Variants in ATP2A2 observed in about 807,000 individuals in gnomAD.
ATP2A2 encodes sarcoplasmic/endoplasmic reticulum calcium ATPase 2.
In ATP2A2, 14 loss-of-function variants were observed where a neutral mutation model predicts 109.3. The ratio of observed to expected loss-of-function variants is 0.13; its 90% CI spans 0.08 to 0.20. The LOEUF is 0.20. ATP2A2 is among the 10% of genes least tolerant of loss of function. The probability of loss-of-function intolerance (pLI) is 1.00; values close to 1 mark genes in which losing one functional copy is unlikely to be tolerated. For missense variants in ATP2A2, 657 were observed against 1,321.6 expected (o/e 0.50, Z 7.80); for synonymous variants, 506 against 490.9 (o/e 1.03, Z -0.41).
In ATP2A2 at chr12:110,346,645, T is replaced by C; in HGVS notation, c.*175T>C. 1 of 1,462,992 alleles carries C rather than the reference T, an allele frequency of 6.8e-7. No homozygotes were observed. 90.6% of individuals were successfully genotyped at this position (1,462,992 alleles called of 1,614,324 possible). On this transcript the variant is annotated 3_prime_UTR_variant, in exon 20 of 20. Coordinates refer to ENST00000539276, the MANE Select transcript of ATP2A2 (RefSeq NM_170665.4). The stretch of plus-strand genomic sequence containing the variant: ...CTCCAGTGGGGCAAGATTTTCCTTT[T>C]TTATACACATAATTAAAGTGTCCAT...
Position 110,348,827 on chromosome 12 carries a change from G to A in ATP2A2, c.*2357G>A, listed in dbSNP as rs566906031. The A allele has an allele frequency of 2.1e-5, 21 of 985,472 alleles. No homozygotes were observed. The highest frequency in any genetic ancestry group is 4.7e-5 in the South Asian group (1 of 21,288). 61.0% of individuals were successfully genotyped at this position (985,472 alleles called of 1,614,324 possible). A position where few individuals can be genotyped will look rare whatever the true frequency, so the allele number is the denominator to read the frequency against. On this transcript the variant is annotated 3_prime_UTR_variant, in exon 20 of 20. Coordinates refer to ENST00000539276, the MANE Select transcript of ATP2A2 (RefSeq NM_170665.4). The stretch of plus-strand genomic sequence containing the variant: ...CAGGGGGTAAATTTTGCCAGTTTGA[G>A]CATCATGAGGTGTAACAAGAAATGG...
chr12:110,281,714 G>A lies in ATP2A2; in HGVS notation c.-76G>A. 2.8e-6 allele frequency: 3 copies of A among 1,085,528 alleles called. No homozygotes were observed. Among genetic ancestry groups the A allele is most frequent in the Non-Finnish European group, 3.7e-6 (3 of 809,914 alleles). The allele number at this position is 1,085,528 out of a possible 1,614,324, so 67.2% of individuals were successfully genotyped here. A position where few individuals can be genotyped will look rare whatever the true frequency, so the allele number is the denominator to read the frequency against. On this transcript the variant is annotated 5_prime_UTR_variant, in exon 1 of 20. Coordinates refer to ENST00000539276, the MANE Select transcript of ATP2A2 (RefSeq NM_170665.4). ...CGCCTGGGCTCCCGGGGTGGCACGA[G>A]CCCGCGGCCGGAGTGCGAGGCGGAG...
At chr12:110,314,708 G>C (rs190918424) in intron 5 of ATP2A2, among the ~76,000 whole-genome samples, 11 of 152,290 alleles carry the variant, frequency 7.2e-5, no homozygotes, top group Admixed American at 6.5e-4. Context: ...TGTTCCAGCA[G>C]TACCTGGTCT....
rs1044329279 is a variant in ATP2A2 at position 110,350,543 on chromosome 12, A to G, written c.*4073A>G. 26 of 653,818 alleles carry G rather than the reference A, an allele frequency of 4.0e-5. No homozygotes were observed. The highest frequency in any genetic ancestry group is 5.8e-5 in the Non-Finnish European group (23 of 396,128). 40.5% of individuals were successfully genotyped at this position (653,818 alleles called of 1,614,324 possible). A position where few individuals can be genotyped will look rare whatever the true frequency, so the allele number is the denominator to read the frequency against. On this transcript the variant is annotated 3_prime_UTR_variant, in exon 20 of 20. Coordinates refer to ENST00000539276, the MANE Select transcript of ATP2A2 (RefSeq NM_170665.4). ...TTTAGCTTAATCAGAAAGCCTCTCC[A>G]GAGAAGTTTGGTTTCTTTGCTGCAA... is the stretch of plus-strand genomic sequence containing the variant.
chr12:110,312,202 G>C (rs1254571743), intron 5 of ATP2A2, among the ~76,000 whole-genome samples: 6 of 151,874 alleles, frequency 4.0e-5, no homozygotes, highest in African/African-American at 1.5e-4. Flanking sequence ...AAAAAAGTTC[G>C]GGGGGTGGGG....
chr12:110,319,223 G>GAAAAA (rs59623372), intron 5 of ATP2A2, among the ~76,000 whole-genome samples: 4 of 63,450 alleles, frequency 6.3e-5, no homozygotes, highest in African/African-American at 1.2e-4. Context: ...AATAAAAAAT[G>GAAAAA]AAAAAAAAAA....
intron 5 of ATP2A2, among the ~76,000 whole-genome samples, chr12:110,315,233 G>A (rs1027706790): frequency 2.6e-5 from 4 of 152,124 alleles, no homozygotes; most frequent in African/African-American, 9.7e-5. Flanking sequence ...CCTTTTAAAC[G>A]TGCATTTTTC....
intron 18 of ATP2A2, chr12:110,345,612 G>C (rs1369699528): frequency 5.8e-6 from 4 of 690,334 alleles, no homozygotes; most frequent in African/African-American, 5.4e-5. Flanking sequence ...GAAACCGTGG[G>C]GGCCAAAAAT....
intron 15 of ATP2A2, 115 bp from the exon 16 acceptor site, chr12:110,343,117 T>G (rs1879511336): frequency 9.4e-7 from 1 of 1,064,340 alleles, no homozygotes. Flanking sequence ...TTTTACAGAT[T>G]ACCTGAAGTT....
At chr12:110,323,548 G>C (rs1231631239) in intron 6 of ATP2A2, among the ~76,000 whole-genome samples, 1 of 152,160 alleles carries the variant, frequency 6.6e-6, no homozygotes, top group African/African-American at 2.4e-5. Context: ...GGTGGCTCAT[G>C]CATGTAATTC....
chr12:110,296,045 G>A (rs1873927369), intron 4 of ATP2A2: 1 of 159,282 alleles, frequency 6.3e-6, no homozygotes, highest in Non-Finnish European at 1.4e-5. Flanking sequence ...CAGTGACATA[G>A]CTGTTAAGAG....
At chr12:110,282,929 A>G in intron 3 of ATP2A2, 134 bp downstream of exon 3, 1 of 806,064 alleles carries the variant, frequency 1.2e-6, no homozygotes, top group South Asian at 1.6e-5. Context: ...TTTAAAAACA[A>G]TCTGGGCATT....
chr12:110,324,713 T>A (rs1566227283), intron 6 of ATP2A2, among the ~76,000 whole-genome samples: 1 of 151,868 alleles, frequency 6.6e-6, no homozygotes, highest in African/African-American at 2.4e-5. Context: ...TAAAAACTTT[T>A]TAGGCTGGTC....
chr12:110,288,720 T>TAA (rs1872939932), intron 3 of ATP2A2, among the ~76,000 whole-genome samples: 1 of 152,222 alleles, frequency 6.6e-6, no homozygotes, highest in Non-Finnish European at 1.5e-5. Context: ...CAGATAATTC[T>TAA]TTATATTCAA....
intron 5 of ATP2A2, among the ~76,000 whole-genome samples, chr12:110,308,358 G>A (rs1286324870): frequency 3.9e-5 from 6 of 152,050 alleles, no homozygotes; most frequent in South Asian, 2.1e-4. Flanking sequence ...TCTCATAGGC[G>A]GGTGCCCTTT....
intron 16 of ATP2A2, among the ~76,000 whole-genome samples, chr12:110,343,936 A>T (rs2137866948): frequency 6.6e-6 from 1 of 152,250 alleles, no homozygotes; most frequent in Admixed American, 6.5e-5. Flanking sequence ...CTTCCCTGGG[A>T]TCCCATAGGA....
chr12:110,333,115 C>G lies in ATP2A2; in HGVS notation c.1185-66C>G, dbSNP rs1008295064. ...TCATTATTAAACAATTGCGGGGGGGCAGGGGGCGGGAGGAATCAATAGTGG... is the reference window on the plus strand; with the variant it reads ...TCATTATTAAACAATTGCGGGGGGGGAGGGGGCGGGAGGAATCAATAGTGG... On this transcript the variant is annotated intron_variant, in intron 9 of 19. Transcript: ENST00000539276. 7.6e-6 allele frequency: 10 copies of G among 1,319,558 alleles called. No individual in the cohort carries two copies. The African/African-American group carries it at 1.5e-4, about 19-fold the overall frequency. The allele number at this position is 1,319,558 out of a possible 1,614,324, so 81.7% of individuals were successfully genotyped here. A position where few individuals can be genotyped will look rare whatever the true frequency, so the allele number is the denominator to read the frequency against.
In ATP2A2 at chr12:110,326,593, A is replaced by G. The variant is rs1238119468; in HGVS notation, c.630+118A>G. ...ATTCTAAAGGATAATCACACTTTTC[A>G]TGGTCAGTCTTAGGTGTCAGAATAT... is the stretch of plus-strand genomic sequence containing the variant. On this transcript the variant is annotated intron_variant, in intron 7 of 19. Transcript: ENST00000539276. The G allele has an allele frequency of 1.8e-5, 18 of 1,021,332 alleles. No individual in the cohort carries two copies. The Admixed American group carries it at 2.8e-4, about 16-fold the overall frequency. The allele number at this position is 1,021,332 out of a possible 1,614,324, so 63.3% of individuals were successfully genotyped here. A position where few individuals can be genotyped will look rare whatever the true frequency, so the allele number is the denominator to read the frequency against.
intron 11 of ATP2A2, among the ~76,000 whole-genome samples, chr12:110,335,979 A>G (rs1393820878): frequency 1.3e-5 from 2 of 152,210 alleles, no homozygotes; most frequent in Admixed American, 1.3e-4. Context: ...AATACCCTCT[A>G]TCTGCAGTCC....
Sources: gnomAD v4.1 joint callset for allele counts (sites outside exome capture counted in the v4.1 genomes callset) on GRCh38, gnomAD v4.1.1 for gene constraint, MANE v1.5 for transcripts, NCBI Gene and HGNC (gene_info 2026-07-23, HGNC 2026-07-21) for gene names.